The following CNTNAP5 variants were observed in gnomAD, a reference collection of about 807,000 sequenced individuals.
The protein encoded by CNTNAP5 is contactin-associated protein-like 5.
CNTNAP5 carries 72 observed loss-of-function variants against 150.2 expected under a neutral mutation model. The ratio of observed to expected loss-of-function variants is 0.48; its 90% CI spans 0.40 to 0.58. The LOEUF is 0.58. Among genes scored for constraint, CNTNAP5 ranks in the 20% least tolerant of loss-of-function variants. The pLI is 0.00. For synonymous variants in CNTNAP5, 672 were observed against 619.8 expected (o/e 1.08, Z -1.25); for missense variants, 1,636 against 1,626.2 (o/e 1.01, Z -0.10).
chr2:124,744,586 G>C (rs111637238), intron 13 of CNTNAP5, among the ~76,000 whole-genome samples: 65 of 152,186 alleles, frequency 4.3e-4, no homozygotes, highest in Non-Finnish European at 2.6e-4. Context: ...CAAGTGCCTA[G>C]AAACTTGTCT....
intron 19 of CNTNAP5, among the ~76,000 whole-genome samples, chr2:124,846,160 C>T (rs1241789534): frequency 1.3e-5 from 2 of 152,102 alleles, no homozygotes; most frequent in Non-Finnish European, 2.9e-5. Flanking sequence ...AAACTTTCCT[C>T]TTAGCACCAC....
At chr2:124,522,537 A>C (rs1281127321) in intron 8 of CNTNAP5, among the ~76,000 whole-genome samples, 1 of 152,146 alleles carries the variant, frequency 6.6e-6, no homozygotes, top group Non-Finnish European at 1.5e-5. Flanking sequence ...CCATGTTCTA[A>C]AGCTGTAATT....
intron 21 of CNTNAP5, among the ~76,000 whole-genome samples, chr2:124,877,413 CCTT>C (rs1677881530): frequency 6.6e-6 from 1 of 152,046 alleles, no homozygotes. Flanking sequence ...TTAGTAATCT[CCTT>C]CTAAGAGGGG....
chr2:124,677,112 G>T (rs1478367446), intron 13 of CNTNAP5, among the ~76,000 whole-genome samples: 1 of 152,150 alleles, frequency 6.6e-6, no homozygotes, highest in Admixed American at 6.5e-5. Flanking sequence ...GGTGTGTCCT[G>T]AGTTCGTTCC....
intron 17 of CNTNAP5, among the ~76,000 whole-genome samples, chr2:124,786,386 AGAAAGAAAGAAAGAAGGAAG>A (rs1329699692): frequency 1.2e-3 from 101 of 85,752 alleles, no homozygotes; most frequent in Middle Eastern, 5.2e-3. Context: ...AAAGAAAGAA[AGAAAGAAAGAAAGAAGGAAG>A]GAAGGAAGGA....
chr2:124,587,260 T>TTA lies in CNTNAP5; in HGVS notation c.1757-22536_1757-22535dup, dbSNP rs148378130. Among the ~76,000 whole-genome samples, 546 of 152,310 alleles carry TTA rather than the reference T, an allele frequency of 3.6e-3. 1 individual carries two copies. The highest frequency in any genetic ancestry group is 6.3e-3 in the Non-Finnish European group (431 of 68,010). ...GTGCTGAATACATTTCTCCCCCTCA[T>TTA]TATATACTGTATTGTGTAGCATCCT... On this transcript the variant is annotated intron_variant, in intron 11 of 23. Transcript: ENST00000682447.
chr2:124,299,171 G>T (rs560175539), intron 3 of CNTNAP5, among the ~76,000 whole-genome samples: 1 of 152,298 alleles, frequency 6.6e-6, no homozygotes, highest in South Asian at 2.1e-4. Flanking sequence ...CGCAGGAAGA[G>T]GAGGGGCCAG....
chr2:124,561,602 A>T (rs1354529913), intron 10 of CNTNAP5, among the ~76,000 whole-genome samples: 1 of 152,284 alleles, frequency 6.6e-6, no homozygotes, highest in East Asian at 1.9e-4. Context: ...CTTTATTTAA[A>T]TCTTTCCTGT....
At chr2:124,468,549 G>C (rs906103753) in intron 6 of CNTNAP5, among the ~76,000 whole-genome samples, 1 of 151,936 alleles carries the variant, frequency 6.6e-6, no homozygotes, top group African/African-American at 2.4e-5. Flanking sequence ...CCTTCCTGAG[G>C]GTGAGTCCTC....
chr2:124,474,245 TG>T (rs1277532727), intron 6 of CNTNAP5, among the ~76,000 whole-genome samples: 1 of 152,110 alleles, frequency 6.6e-6, no homozygotes, highest in African/African-American at 2.4e-5. Context: ...ATAGAACATT[TG>T]GAATATTTCC....
chr2:124,775,496 G>A (rs1433945652), intron 17 of CNTNAP5, among the ~76,000 whole-genome samples: 1 of 152,066 alleles, frequency 6.6e-6, no homozygotes, highest in Non-Finnish European at 1.5e-5. Context: ...AATCAAAATG[G>A]AGCATCCTTC....
intron 1 of CNTNAP5, among the ~76,000 whole-genome samples, chr2:124,087,700 C>T (rs796460878): frequency 2.6e-5 from 4 of 151,800 alleles, no homozygotes; most frequent in East Asian, 1.9e-4. Context: ...CCAGCCTGGG[C>T]GACAGAGCGA....
At chr2:124,454,823 T>C (rs1362108611) in intron 6 of CNTNAP5, among the ~76,000 whole-genome samples, 4 of 151,874 alleles carry the variant, frequency 2.6e-5, no homozygotes, top group African/African-American at 9.7e-5. Context: ...AAGATGAAAA[T>C]TAAAAAATTT....
chr2:124,554,890 G>A (rs1344038121), intron 10 of CNTNAP5, among the ~76,000 whole-genome samples: 10 of 151,990 alleles, frequency 6.6e-5, no homozygotes, highest in Admixed American at 2.0e-4. Context: ...TCTTGGCAGG[G>A]GATCTTCATA....
chr2:124,625,450 C>CTATGT, intron 12 of CNTNAP5, among the ~76,000 whole-genome samples: 1 of 152,128 alleles, frequency 6.6e-6, no homozygotes, highest in South Asian at 2.1e-4. Flanking sequence ...CTACAGTATA[C>CTATGT]ATAGTATAGT....
At chr2:124,894,230 A>G (rs1678258513) in intron 21 of CNTNAP5, among the ~76,000 whole-genome samples, 1 of 151,886 alleles carries the variant, frequency 6.6e-6, no homozygotes, top group Non-Finnish European at 1.5e-5. Context: ...GTCACTGAAG[A>G]TGCCCAGTAT....
chr2:124,863,090 T>A (rs1222186059), intron 19 of CNTNAP5, among the ~76,000 whole-genome samples: 2 of 152,108 alleles, frequency 1.3e-5, no homozygotes, highest in African/African-American at 4.8e-5. Flanking sequence ...TTTTCAAAAA[T>A]GGAAAAATAT....
intron 1 of CNTNAP5, among the ~76,000 whole-genome samples, chr2:124,089,523 C>G (rs1056107597): frequency 1.3e-5 from 2 of 152,124 alleles, no homozygotes; most frequent in African/African-American, 4.8e-5. Flanking sequence ...TTGTACTCTC[C>G]ATTCATTAAT....
intron 13 of CNTNAP5, among the ~76,000 whole-genome samples, chr2:124,691,573 A>T (rs1401869367): frequency 6.6e-6 from 1 of 152,046 alleles, no homozygotes; most frequent in African/African-American, 2.4e-5. Flanking sequence ...AGGCTCATTT[A>T]TCTCATATTG....
Sources: gnomAD v4.1 joint callset for allele counts (sites outside exome capture counted in the v4.1 genomes callset) on GRCh38, gnomAD v4.1.1 for gene constraint, MANE v1.5 for transcripts, NCBI Gene and HGNC (gene_info 2026-07-23, HGNC 2026-07-21) for gene names.